The following MAOA variants were observed in gnomAD, a reference collection of about 807,000 sequenced individuals.
MAOA encodes the protein monoamine oxidase A.
Under a neutral mutation model 42.0 loss-of-function variants are expected in MAOA, and 6 were observed. The observed-to-expected ratio is 0.14, with a 90% CI of 0.08 to 0.28. MAOA has a LOEUF of 0.28. MAOA is among the 10% of genes least tolerant of loss of function. The probability of loss-of-function intolerance (pLI) is 1.00; values close to 1 mark genes in which losing one functional copy is unlikely to be tolerated. For synonymous variants in MAOA, 140 were observed against 154.0 expected, an observed-to-expected ratio of 0.91 and a Z score of 0.67; for missense variants, 262 against 422.3, an observed-to-expected ratio of 0.62 and a Z score of 3.33.
chrX:43,727,427 C>T (rs533494404), intron 5 of MAOA, among the ~76,000 whole-genome samples: 1 of 112,159 alleles, frequency 8.9e-6, no homozygotes, highest in African/African-American at 3.2e-5. Flanking sequence ...GGGGTCCGCC[C>T]AGTTCGAACT....
rs1174151887 is a variant in MAOA at position 43,728,025 on chromosome X, G to A, written c.504-148G>A. On this transcript the variant is annotated intron_variant, in intron 5 of 14. Coordinates refer to ENST00000338702, the MANE Select transcript of MAOA (RefSeq NM_000240.4). Reference sequence around the variant, plus strand: ...TTAGTTTCTCCAAGAGTTAAAGAATGCATTCCTTCAGAAATTGAATCCTTG... The same window carrying A: ...TTAGTTTCTCCAAGAGTTAAAGAATACATTCCTTCAGAAATTGAATCCTTG... 7.3e-5 allele frequency: 42 copies of A among 577,962 alleles called. No individual in the cohort carries two copies. In the Admixed American group the frequency reaches 8.8e-4, roughly 12 times the overall value. The allele number at this position is 577,962 out of a possible 1,213,427, so 47.6% of individuals were successfully genotyped here.
intron 6 of MAOA, among the ~76,000 whole-genome samples, chrX:43,729,215 A>C (rs1489540017): frequency 8.9e-6 from 1 of 112,310 alleles, no homozygotes; most frequent in Non-Finnish European, 1.9e-5. Context: ...AATGCAGGAC[A>C]GTTGCATTTT....
intron 1 of MAOA, among the ~76,000 whole-genome samples, chrX:43,682,062 T>C (rs2033448645): frequency 9.1e-6 from 1 of 109,671 alleles, no homozygotes; most frequent in African/African-American, 3.3e-5. Context: ...TTTGTATTTT[T>C]AGTAGAGATG....
chrX:43,735,177 A>G (rs1414577941), intron 9 of MAOA, among the ~76,000 whole-genome samples: 1 of 112,222 alleles, frequency 8.9e-6, no homozygotes, highest in Non-Finnish European at 1.9e-5. Context: ...AATTTGAGGA[A>G]CACTTTAATT....
chrX:43,718,502 C>T lies in MAOA; in HGVS notation c.503+5706C>T, dbSNP rs749145447. ...CAGGGAAGCCTAGATGTTTTAGGGA[C>T]GGTGTGGTATCACCCCGAAATGATC... On this transcript the variant is annotated intron_variant, in intron 5 of 14. Coordinates refer to ENST00000338702, the MANE Select transcript of MAOA (RefSeq NM_000240.4). Among the ~76,000 whole-genome samples, 145 of 107,153 alleles carry T rather than the reference C, an allele frequency of 1.4e-3. 1 individual carries two copies. The highest frequency in any genetic ancestry group is 4.3e-3 in the South Asian group (10 of 2,338). The allele number at this position is 107,153 out of a possible 115,157, so 93.0% of individuals were successfully genotyped here. A position where few individuals can be genotyped will look rare whatever the true frequency, so the allele number is the denominator to read the frequency against.
At chrX:43,665,420 C>A in intron 1 of MAOA, among the ~76,000 whole-genome samples, 1 of 110,953 alleles carries the variant, frequency 9.0e-6, no homozygotes, top group Non-Finnish European at 1.9e-5. Flanking sequence ...ACTCATGTTC[C>A]GTAAAACATT....
At chrX:43,656,052 A>G, upstream of MAOA, 1 of 364,591 alleles carries the variant, frequency 2.7e-6, no homozygotes, top group South Asian at 4.0e-5. Flanking sequence ...CTGCCGACAC[A>G]AGGACATTCT....
chrX:43,720,900 G>A (rs966853119), intron 5 of MAOA, among the ~76,000 whole-genome samples: 6 of 107,648 alleles, frequency 5.6e-5, no homozygotes, highest in African/African-American at 2.1e-4. Flanking sequence ...GACTTTCAGA[G>A]TCAGTGGGGA....
chrX:43,705,011 G>A (rs2033649185), intron 3 of MAOA, among the ~76,000 whole-genome samples: 2 of 111,988 alleles, frequency 1.8e-5, no homozygotes, highest in East Asian at 2.8e-4. Flanking sequence ...TATTGTTAGG[G>A]TGACAATACT....
chrX:43,700,260 C>T (rs2033612524), intron 3 of MAOA, among the ~76,000 whole-genome samples: 1 of 112,177 alleles, frequency 8.9e-6, no homozygotes, highest in African/African-American at 3.2e-5. Flanking sequence ...CTTTCCAGCT[C>T]TAAGCCCAGT....
At chrX:43,722,491 T>C (rs768691599) in intron 5 of MAOA, among the ~76,000 whole-genome samples, 26 of 110,365 alleles carry the variant, frequency 2.4e-4, no homozygotes, top group Non-Finnish European at 4.6e-4. Flanking sequence ...ATGTCTTCTT[T>C]TGAGAAGTGT....
At chrX:43,673,998 C>T (rs1326608199) in intron 1 of MAOA, among the ~76,000 whole-genome samples, 3 of 112,838 alleles carry the variant, frequency 2.7e-5, no homozygotes, top group Admixed American at 1.9e-4. Context: ...TCCTGGATAT[C>T]CTTGTTAACT....
chrX:43,728,151 T>A, intron 5 of MAOA, 22 bp from the exon 6 acceptor site: 2 of 1,205,597 alleles, frequency 1.7e-6, no homozygotes, highest in Non-Finnish European at 2.2e-6. Context: ...ACACCTGACT[T>A]CCACTTTTGT....
intron 1 of MAOA, among the ~76,000 whole-genome samples, chrX:43,664,656 T>C (rs1364295462): frequency 8.9e-6 from 1 of 112,262 alleles, no homozygotes; most frequent in Non-Finnish European, 1.9e-5. Context: ...GTGGCCTAAG[T>C]TGAAGACCAT....
chrX:43,697,282 C>G (rs937306850), intron 3 of MAOA, among the ~76,000 whole-genome samples: 6 of 112,005 alleles, frequency 5.4e-5, no homozygotes, highest in African/African-American at 1.9e-4. Flanking sequence ...TGTCCTGGCT[C>G]TTTCTGGCAG....
rs1213921888 is a variant in MAOA, at chrX:43,746,755, G to A, written c.*2242G>A. The A allele has an allele frequency of 2.7e-5, 3 of 111,869 alleles. No homozygotes were observed. Among genetic ancestry groups the A allele is most frequent in the African/African-American group, 9.8e-5 (3 of 30,708 alleles). The allele number at this position is 111,869 out of a possible 1,213,427, so 9.2% of individuals were successfully genotyped here. A position where few individuals can be genotyped will look rare whatever the true frequency, so the allele number is the denominator to read the frequency against. ...ATACCTATGTGTGTGCTTTGCCACT[G>A]AAGTAAGATTTTGCCTGTATGGTAC... On this transcript the variant is annotated 3_prime_UTR_variant, in exon 15 of 15. Coordinates refer to ENST00000338702, the MANE Select transcript of MAOA (RefSeq NM_000240.4).
At chrX:43,657,393 G>T (rs1318023761) in intron 1 of MAOA, among the ~76,000 whole-genome samples, 1 of 107,736 alleles carries the variant, frequency 9.3e-6, no homozygotes, top group Non-Finnish European at 1.9e-5. Context: ...GTGCCCTGTT[G>T]TATCCTCCTT....
chrX:43,667,573 G>C (rs944939863), intron 1 of MAOA, among the ~76,000 whole-genome samples: 3 of 111,531 alleles, frequency 2.7e-5, no homozygotes, highest in African/African-American at 9.8e-5. Flanking sequence ...TATATCTGTA[G>C]GCTGTATTTG....
At chrX:43,667,264 CTT>C (rs756935170) in intron 1 of MAOA, among the ~76,000 whole-genome samples, 24 of 111,613 alleles carry the variant, frequency 2.2e-4, no homozygotes, top group Admixed American at 4.8e-4. Flanking sequence ...CTTCATAGCA[CTT>C]AATATTTCCT....
Sources: gnomAD v4.1 joint callset for allele counts (sites outside exome capture counted in the v4.1 genomes callset) on GRCh38, gnomAD v4.1.1 for gene constraint, MANE v1.5 for transcripts, NCBI Gene and HGNC (gene_info 2026-07-23, HGNC 2026-07-21) for gene names.